Variants in LAMP3 observed in about 807,000 individuals in gnomAD.
LAMP3 encodes lysosome associated membrane protein 3, also known as lysosome-associated membrane glycoprotein 3.
Under a neutral mutation model 34.8 loss-of-function variants are expected in LAMP3, and 26 were observed. The ratio of observed to expected loss-of-function variants is 0.75; its 90% CI spans 0.55 to 1.04. The LOEUF is 1.04. Among genes scored for constraint, LAMP3 ranks in the 50% least tolerant of loss-of-function variants. The pLI, the probability that LAMP3 is intolerant of heterozygous loss-of-function variation, is 0.00. For missense variants in LAMP3, 495 were observed against 524.0 expected, an observed-to-expected ratio of 0.94 and a Z score of 0.54; for synonymous variants, 180 against 201.9, an observed-to-expected ratio of 0.89 and a Z score of 0.92.
intron 3 of LAMP3, among the ~76,000 whole-genome samples, chr3:183,150,470 G>T (rs911889650): frequency 6.6e-6 from 1 of 152,108 alleles, no homozygotes; most frequent in African/African-American, 2.4e-5. Flanking sequence ...GAGTCACATG[G>T]GCAGTGGGCA....
chr3:183,140,820 T>G (rs1025983380), intron 3 of LAMP3, among the ~76,000 whole-genome samples: 1 of 152,242 alleles, frequency 6.6e-6, no homozygotes, highest in Non-Finnish European at 1.5e-5. Context: ...ATTTCCCTAC[T>G]GCATACTAGT....
At chr3:183,143,484 A>C (rs1463868868) in intron 3 of LAMP3, among the ~76,000 whole-genome samples, 1 of 152,218 alleles carries the variant, frequency 6.6e-6, no homozygotes, top group Non-Finnish European at 1.5e-5. Flanking sequence ...TCATGTAAAC[A>C]AAAGGACAGG....
At chr3:183,149,830 C>T (rs1290883828) in intron 3 of LAMP3, among the ~76,000 whole-genome samples, 1 of 151,160 alleles carries the variant, frequency 6.6e-6, no homozygotes, top group Admixed American at 6.6e-5. Context: ...CTCATGTACC[C>T]CATAAATATA....
At chr3:183,145,136 C>A (rs1324758248) in intron 3 of LAMP3, among the ~76,000 whole-genome samples, 2 of 152,122 alleles carry the variant, frequency 1.3e-5, no homozygotes, top group African/African-American at 4.8e-5. Context: ...ACTATCCCAC[C>A]AGGAAGGATG....
intron 4 of LAMP3, among the ~76,000 whole-genome samples, chr3:183,136,949 A>G (rs551814410): frequency 6.6e-6 from 1 of 151,914 alleles, no homozygotes; most frequent in East Asian, 2.0e-4. Context: ...TCGAGGTTGC[A>G]GTGAGCTATG....
At position 183,153,899 on chromosome 3, in the gene LAMP3, GTTGTGCTT is replaced by G; in HGVS notation, c.534_541del (p.Lys178AsnfsTer118). On this transcript the variant is annotated frameshift_variant, in exon 2 of 6. Coordinates refer to ENST00000265598, the MANE Select transcript of LAMP3 (RefSeq NM_014398.4). LOFTEE classifies it high-confidence loss of function. ...GGTGGGTTGAACAGGCTTCTGACCG[GTTGTGCTT>G]TTGTGCAGTGCTATCGATAAAGTTG... 1 of 1,614,190 alleles carries G rather than the reference GTTGTGCTT, an allele frequency of 6.2e-7. No homozygotes were observed. Among genetic ancestry groups the G allele is most frequent in the Non-Finnish European group, 8.5e-7 (1 of 1,180,020 alleles).
intron 4 of LAMP3, among the ~76,000 whole-genome samples, chr3:183,137,460 C>T (rs944966801): frequency 6.6e-6 from 1 of 152,144 alleles, no homozygotes; most frequent in African/African-American, 2.4e-5. Flanking sequence ...GCCAGAGGAC[C>T]CAACTCTCTG....
At chr3:183,140,456 G>GAAGATTCA (rs1576877028) in intron 4 of LAMP3, 82 bp downstream of exon 4, 2 of 554,804 alleles carry the variant, frequency 3.6e-6, no homozygotes, top group East Asian at 7.6e-5. Flanking sequence ...TCAAACATGA[G>GAAGATTCA]AAGATTCAAT....
intron 1 of LAMP3, 113 bp from the exon 2 acceptor site, chr3:183,154,504 A>T (rs9853808): frequency 6.3e-6 from 5 of 790,608 alleles, no homozygotes; most frequent in South Asian, 1.8e-5. Flanking sequence ...GCATATTTTT[A>T]TACTTGGGGG....
rs577044004 is a variant in LAMP3 at position 183,159,419 on chromosome 3, G to A, written c.49+3188C>T. The stretch of plus-strand genomic sequence containing the variant: ...GGTATGGGAAGGGAGGGGTGAGGAG[G>A]GGAGACCAGCAGGGAGCAGGCCTGG... On this transcript the variant is annotated intron_variant, in intron 1 of 5. Transcript: ENST00000265598. Among the ~76,000 whole-genome samples the A allele has an allele frequency of 1.1e-4, 16 of 152,312 alleles. No individual in the cohort carries two copies. In the South Asian group the frequency reaches 2.1e-3, roughly 20 times the overall value.
At chr3:183,153,203 A>C in intron 2 of LAMP3, among the ~76,000 whole-genome samples, 1 of 151,068 alleles carries the variant, frequency 6.6e-6, no homozygotes, top group Admixed American at 6.6e-5. Flanking sequence ...GAAAGAAAAT[A>C]TTGTTTTAGT....
Position 183,135,859 on chromosome 3 carries a change from C to A in LAMP3, c.975G>T (p.Ala325=). ...PETIYQGIKH[A]VVMFQTAVGH... ...CGACTGCTGTCTGGAACATCACCACCGCATGTTTGATTCCTTGGTAAATTG... is the reference window on the plus strand; with the variant it reads ...CGACTGCTGTCTGGAACATCACCACAGCATGTTTGATTCCTTGGTAAATTG... The change falls in exon 5 of 6, where the codon GCG becomes GCT. Residue 325 remains alanine (A), a synonymous_variant. Coordinates refer to ENST00000265598, the MANE Select transcript of LAMP3 (RefSeq NM_014398.4). 1.9e-6 allele frequency: 3 copies of A among 1,613,964 alleles called. No individual in the cohort carries two copies. Among genetic ancestry groups the A allele is most frequent in the Non-Finnish European group, 2.5e-6 (3 of 1,179,820 alleles).
intron 5 of LAMP3, among the ~76,000 whole-genome samples, chr3:183,133,825 T>C (rs756521711): frequency 6.6e-6 from 1 of 152,224 alleles, no homozygotes; most frequent in Non-Finnish European, 1.5e-5. Flanking sequence ...GTCAGGAGTC[T>C]ACTGTTTGGG....
chr3:183,126,845 A>G (rs1042082491), intron 5 of LAMP3, among the ~76,000 whole-genome samples: 2 of 152,230 alleles, frequency 1.3e-5, no homozygotes, highest in African/African-American at 4.8e-5. Flanking sequence ...ATTTTATTAC[A>G]TTTGTTAATT....
At chr3:183,149,610 T>C (rs1443605349) in intron 3 of LAMP3, among the ~76,000 whole-genome samples, 8 of 127,158 alleles carry the variant, frequency 6.3e-5, no homozygotes, top group African/African-American at 1.8e-4. Flanking sequence ...TATATATGTA[T>C]ACACACACAC....
chr3:183,152,572 CA>C, intron 2 of LAMP3, 69 bp from the exon 3 acceptor site: 1 of 1,437,028 alleles, frequency 7.0e-7, no homozygotes. Flanking sequence ...ACCAGATGCA[CA>C]GGCTAGTTTG....
chr3:183,150,565 C>CTTTTT lies in LAMP3; in HGVS notation c.888+1805_888+1809dup, dbSNP rs10665288. ...ATCTTCTGCTATTTTGCCAAAGTGA[C>CTTTTT]TTTTTTTTTTTTTTTTTTTTTTGGA... On this transcript the variant is annotated intron_variant, in intron 3 of 5. Transcript: ENST00000265598. 5.8e-4 allele frequency among the ~76,000 whole-genome samples: 50 copies of CTTTTT among 86,076 alleles called. 1 individual carries two copies. Among genetic ancestry groups the CTTTTT allele is most frequent in the South Asian group, 2.0e-3 (4 of 1,972 alleles). The allele number at this position is 86,076 out of a possible 152,430, so 56.5% of individuals were successfully genotyped here.
intron 1 of LAMP3, among the ~76,000 whole-genome samples, chr3:183,159,389 G>A (rs1258164717): frequency 6.6e-6 from 1 of 152,226 alleles, no homozygotes; most frequent in Non-Finnish European, 1.5e-5. Flanking sequence ...CGGGAACACA[G>A]GGACGGTATG....
chr3:183,124,097 C>A lies in LAMP3; in HGVS notation c.1235G>T (p.Gly412Val), dbSNP rs370498587. 6.2e-7 allele frequency: 1 copy of A among 1,613,966 alleles called. No homozygotes were observed. The highest frequency in any genetic ancestry group is 1.3e-5 in the African/African-American group (1 of 74,902). ...YKIRLRCQSS[G>V]YQRI Reference sequence around the variant, plus strand: ...GGGCAACAATTAGATTCTCTGGTATCCAGATGATTGACACCTTAGGCGGAT... The same window carrying A: ...GGGCAACAATTAGATTCTCTGGTATACAGATGATTGACACCTTAGGCGGAT... The change falls in exon 6 of 6, where the codon GGA (glycine) becomes GTA (valine). Residue 412 changes from glycine to valine, a missense_variant. By Grantham distance (109) the Gly-to-Val change is moderately radical. Transcript: ENST00000265598.
Sources: allele counts gnomAD v4.1 joint callset (sites outside exome capture counted in the v4.1 genomes callset), GRCh38; gene constraint gnomAD v4.1.1; transcripts MANE v1.5; gene names NCBI Gene and HGNC (gene_info 2026-07-23, HGNC 2026-07-21).